AGBL4: variants seen among roughly 807,000 people sequenced by gnomAD.
AGBL4 encodes cytosolic carboxypeptidase 6.
Under a neutral mutation model 66.4 loss-of-function variants are expected in AGBL4, and 58 were observed. The observed-to-expected ratio is 0.87, with a 90% CI of 0.71 to 1.09. AGBL4 has a LOEUF of 1.09. Ranked by LOEUF, AGBL4 falls within the 50% of genes least tolerant of loss-of-function variation. AGBL4 has a pLI of 0.00. For synonymous variants in AGBL4, 234 were observed against 222.9 expected (o/e 1.05, Z -0.44); for missense variants, 579 against 631.0 (o/e 0.92, Z 0.88).
At chr1:49,207,113 A>C in intron 4 of AGBL4, among the ~76,000 whole-genome samples, 1 of 152,184 alleles carries the variant, frequency 6.6e-6, no homozygotes, top group East Asian at 1.9e-4. Flanking sequence ...AGCTTTTTTA[A>C]AAAAAGACTA....
At chr1:49,880,403 T>C (rs1281511146) in intron 1 of AGBL4, among the ~76,000 whole-genome samples, 1 of 152,054 alleles carries the variant, frequency 6.6e-6, no homozygotes, top group South Asian at 2.1e-4. Flanking sequence ...GCTGCAGGTC[T>C]GTTGGAATAC....
intron 6 of AGBL4, among the ~76,000 whole-genome samples, chr1:48,831,478 C>T (rs908939331): frequency 6.6e-6 from 1 of 152,206 alleles, no homozygotes; most frequent in Non-Finnish European, 1.5e-5. Flanking sequence ...TGAAGCCTTG[C>T]CTTACTTTGT....
chr1:49,332,858 T>C (rs1463958376), intron 3 of AGBL4, among the ~76,000 whole-genome samples: 2 of 152,192 alleles, frequency 1.3e-5, no homozygotes, highest in Non-Finnish European at 2.9e-5. Context: ...TCCACAATGG[T>C]TGAACTAATT....
At chr1:50,017,934 T>A (rs978249981) in intron 1 of AGBL4, among the ~76,000 whole-genome samples, 1 of 152,054 alleles carries the variant, frequency 6.6e-6, no homozygotes, top group Non-Finnish European at 1.5e-5. Flanking sequence ...CATAAATACA[T>A]AAATAAAGTA....
At chr1:50,022,280 T>A (rs1378057465) in intron 1 of AGBL4, among the ~76,000 whole-genome samples, 1 of 152,154 alleles carries the variant, frequency 6.6e-6, no homozygotes, top group Non-Finnish European at 1.5e-5. Flanking sequence ...AAATAGTATG[T>A]TCAAAGGCAA....
At chr1:48,614,573 C>T (rs1645288933) in intron 9 of AGBL4, among the ~76,000 whole-genome samples, 1 of 152,192 alleles carries the variant, frequency 6.6e-6, no homozygotes, top group Non-Finnish European at 1.5e-5. Flanking sequence ...TCTCTTGTCG[C>T]TTTTCCATTG....
At chr1:49,684,756 T>C (rs1646756896) in intron 3 of AGBL4, among the ~76,000 whole-genome samples, 1 of 152,198 alleles carries the variant, frequency 6.6e-6, no homozygotes. Context: ...GTAACAGGTT[T>C]ATGATATTTA....
intron 4 of AGBL4, among the ~76,000 whole-genome samples, chr1:49,154,913 A>G (rs1027478276): frequency 6.6e-6 from 1 of 152,158 alleles, no homozygotes; most frequent in Non-Finnish European, 1.5e-5. Context: ...TAAATGCTGC[A>G]TACTTAATTA....
Position 49,851,534 on chromosome 1 carries a change from G to T in AGBL4, c.35-16C>A, listed in dbSNP as rs746835256. 22 of 1,542,802 alleles carry T rather than the reference G, an allele frequency of 1.4e-5. No homozygotes were observed. The highest frequency in any genetic ancestry group is 1.6e-5 in the Non-Finnish European group (18 of 1,143,598). On this transcript the variant is annotated splice_polypyrimidine_tract_variant and intron_variant, in intron 1 of 13. Transcript: ENST00000371839. ...ATATCATTGCCTATTTAAAAAAATT[G>T]AAATAAAAGTCAAAGTATATTCGGC... is the stretch of plus-strand genomic sequence containing the variant.
intron 1 of AGBL4, among the ~76,000 whole-genome samples, chr1:49,882,064 A>G: frequency 6.6e-6 from 1 of 152,056 alleles, no homozygotes; most frequent in Non-Finnish European, 1.5e-5. Flanking sequence ...TGATTTTCAT[A>G]TAAGGTGTAA....
At chr1:48,971,278 C>A (rs543548970) in intron 5 of AGBL4, among the ~76,000 whole-genome samples, 3 of 152,014 alleles carry the variant, frequency 2.0e-5, no homozygotes, top group African/African-American at 7.2e-5. Context: ...TTGTGAACTG[C>A]GCAAATGAGG....
At chr1:48,915,854 A>T (rs1653540933) in intron 5 of AGBL4, among the ~76,000 whole-genome samples, 1 of 152,208 alleles carries the variant, frequency 6.6e-6, no homozygotes, top group African/African-American at 2.4e-5. Flanking sequence ...TAGGGGTAAG[A>T]TTTAGATACT....
intron 3 of AGBL4, among the ~76,000 whole-genome samples, chr1:49,297,763 A>G (rs998252198): frequency 6.6e-6 from 1 of 152,118 alleles, no homozygotes; most frequent in Admixed American, 6.5e-5. Context: ...CTGGCATCCA[A>G]TTAGATGACA....
chr1:50,023,517 C>A (rs1170314574), intron 1 of AGBL4, among the ~76,000 whole-genome samples: 1 of 152,180 alleles, frequency 6.6e-6, no homozygotes, highest in African/African-American at 2.4e-5. Flanking sequence ...CCCTTTCGGG[C>A]CCATGTTCTG....
intron 1 of AGBL4, among the ~76,000 whole-genome samples, chr1:49,962,003 T>C (rs1001179131): frequency 2.0e-5 from 3 of 152,174 alleles, no homozygotes; most frequent in Non-Finnish European, 4.4e-5. Flanking sequence ...TGAAAGCTTC[T>C]AAACCTCTTC....
chr1:49,003,760 A>G (rs1267956990), intron 5 of AGBL4, among the ~76,000 whole-genome samples: 1 of 152,060 alleles, frequency 6.6e-6, no homozygotes, highest in Non-Finnish European at 1.5e-5. Flanking sequence ...TTTTCTGGAG[A>G]GCCAGGTCCA....
At chr1:49,580,866 C>T (rs1186064565) in intron 3 of AGBL4, among the ~76,000 whole-genome samples, 1 of 152,058 alleles carries the variant, frequency 6.6e-6, no homozygotes, top group African/African-American at 2.4e-5. Flanking sequence ...CCCTGTGTTT[C>T]CCTAAAAATT....
intron 5 of AGBL4, among the ~76,000 whole-genome samples, chr1:48,907,986 T>C (rs1652773790): frequency 6.6e-6 from 1 of 152,178 alleles, no homozygotes; most frequent in Admixed American, 6.5e-5. Context: ...TGTGTAGTGG[T>C]ATCTTGAGAA....
At chr1:49,194,618 A>G (rs1014038893) in intron 4 of AGBL4, among the ~76,000 whole-genome samples, 2 of 152,030 alleles carry the variant, frequency 1.3e-5, no homozygotes, top group African/African-American at 4.8e-5. Context: ...CTAGACACAG[A>G]GTCTTGCTCT....
Sources: allele counts gnomAD v4.1 joint callset (sites outside exome capture counted in the v4.1 genomes callset), GRCh38; gene constraint gnomAD v4.1.1; transcripts MANE v1.5; gene names NCBI Gene and HGNC (gene_info 2026-07-23, HGNC 2026-07-21).